SOX5: variants seen among roughly 807,000 people sequenced by gnomAD.
SOX5 encodes the protein SRY-box transcription factor 5.
In SOX5, 9 loss-of-function variants were observed where a neutral mutation model predicts 92.0. That is an observed-to-expected ratio of 0.10 (90% CI 0.06 to 0.17). SOX5 has a LOEUF of 0.17. SOX5 is among the 10% of genes least tolerant of loss of function. The pLI is 1.00. For synonymous variants in SOX5, 344 were observed against 336.3 expected (o/e 1.02, Z -0.25); for missense variants, 642 against 944.5 (o/e 0.68, Z 4.20).
intron 4 of SOX5, among the ~76,000 whole-genome samples, chr12:24,046,129 C>G (rs1170653685): frequency 6.6e-6 from 1 of 152,188 alleles, no homozygotes; most frequent in African/African-American, 2.4e-5. Flanking sequence ...TTACTTCACT[C>G]TAAATAACGT....
chr12:24,289,379 C>T (rs1335922626), intron 2 of SOX5, among the ~76,000 whole-genome samples: 2 of 151,980 alleles, frequency 1.3e-5, no homozygotes, highest in Admixed American at 1.3e-4. Flanking sequence ...TTCTGAATCT[C>T]TTGCGTTTCT....
At chr12:24,014,268 G>A (rs1953310008) in intron 4 of SOX5, among the ~76,000 whole-genome samples, 1 of 152,126 alleles carries the variant, frequency 6.6e-6, no homozygotes, top group Non-Finnish European at 1.5e-5. Context: ...TTAACCGTAT[G>A]TCATCACATA....
At chr12:24,127,679 T>C (rs1949242778) in intron 4 of SOX5, among the ~76,000 whole-genome samples, 1 of 152,146 alleles carries the variant, frequency 6.6e-6, no homozygotes, top group Admixed American at 6.5e-5. Flanking sequence ...ACCTTCTTAG[T>C]GTGCCTCCCC....
chr12:24,519,167 T>A (rs1302938972), intron 1 of SOX5, among the ~76,000 whole-genome samples: 2 of 152,144 alleles, frequency 1.3e-5, no homozygotes, highest in African/African-American at 4.8e-5. Flanking sequence ...TACGTGAATT[T>A]TTTTCTTTTT....
At chr12:24,024,311 G>A (rs924724388) in intron 4 of SOX5, among the ~76,000 whole-genome samples, 1 of 151,886 alleles carries the variant, frequency 6.6e-6, no homozygotes, top group Non-Finnish European at 1.5e-5. Context: ...TTGATTTCTT[G>A]TAAAGTGTAT....
chr12:23,822,305 G>A (rs984675305), intron 3 of SOX5, among the ~76,000 whole-genome samples: 6 of 152,180 alleles, frequency 3.9e-5, no homozygotes, highest in African/African-American at 1.4e-4. Context: ...CTGTGTCCCA[G>A]AGATTCTGGT....
At chr12:24,311,050 G>A (rs561328183) in intron 2 of SOX5, among the ~76,000 whole-genome samples, 46 of 152,244 alleles carry the variant, frequency 3.0e-4, no homozygotes, top group Middle Eastern at 6.8e-3. Context: ...CTCCTAGGAA[G>A]CATGGTCATA....
chr12:23,836,488 T>G (rs2096415927), intron 3 of SOX5, among the ~76,000 whole-genome samples: 1 of 152,022 alleles, frequency 6.6e-6, no homozygotes. Flanking sequence ...AAAAATAGGC[T>G]GGCTAAAATG....
chr12:23,613,435 T>C (rs2076199443), intron 8 of SOX5, among the ~76,000 whole-genome samples: 2 of 152,090 alleles, frequency 1.3e-5, no homozygotes. Flanking sequence ...CTCCTGTCAC[T>C]GTGAAAAATA....
At chr12:23,721,679 C>G (rs930892009) in intron 6 of SOX5, among the ~76,000 whole-genome samples, 3 of 152,028 alleles carry the variant, frequency 2.0e-5, no homozygotes, top group Non-Finnish European at 4.4e-5. Flanking sequence ...GTTTTTACAG[C>G]AATATAAACA....
At chr12:23,665,349 G>C in intron 7 of SOX5, 95 bp downstream of exon 7, 1 of 1,321,166 alleles carries the variant, frequency 7.6e-7, no homozygotes, top group South Asian at 1.2e-5. Flanking sequence ...TGCTATATGG[G>C]TGATCTCATT....
chr12:24,510,847 C>G (rs1161257760), intron 1 of SOX5, among the ~76,000 whole-genome samples: 2 of 152,170 alleles, frequency 1.3e-5, no homozygotes, highest in African/African-American at 2.4e-5. Context: ...GAGCTGGCCC[C>G]CAGGATATGA....
At chr12:24,491,350 C>G (rs147703710) in intron 1 of SOX5, among the ~76,000 whole-genome samples, 8 of 152,204 alleles carry the variant, frequency 5.3e-5, no homozygotes, top group African/African-American at 7.2e-5. Context: ...CCTAGAGCAG[C>G]CTTTGCCAGG....
chr12:24,015,188 G>C (rs777238495), intron 4 of SOX5, among the ~76,000 whole-genome samples: 1 of 151,574 alleles, frequency 6.6e-6, no homozygotes, highest in Non-Finnish European at 1.5e-5. Context: ...ATTGTTCCTC[G>C]CAGATGGAAG....
At chr12:23,858,928 G>C (rs2096723994) in intron 2 of SOX5, among the ~76,000 whole-genome samples, 1 of 152,108 alleles carries the variant, frequency 6.6e-6, no homozygotes, top group African/African-American at 2.4e-5. Context: ...AAATTATGAA[G>C]ATTTCATTGA....
At chr12:23,602,505 C>G (rs2074640661) in intron 9 of SOX5, among the ~76,000 whole-genome samples, 1 of 152,000 alleles carries the variant, frequency 6.6e-6, no homozygotes, top group Non-Finnish European at 1.5e-5. Flanking sequence ...TATAAGTAAT[C>G]TGGTGAGAAG....
At chr12:23,695,927 C>T (rs71448692) in intron 6 of SOX5, among the ~76,000 whole-genome samples, 11,545 of 101,136 alleles carry the variant, frequency 0.11, 687 homozygotes, top group Middle Eastern at 0.26. Flanking sequence ...GGTGACAGAG[C>T]GAGACTCTGT....
chr12:24,428,092 GAA>G (rs1966877127), intron 1 of SOX5, among the ~76,000 whole-genome samples: 1 of 151,358 alleles, frequency 6.6e-6, no homozygotes, highest in Non-Finnish European at 1.5e-5. Flanking sequence ...TTTTTAAGGT[GAA>G]AAAGCTGTGA....
chr12:24,118,033 AAAAAAG>A (rs1948228653), intron 4 of SOX5, among the ~76,000 whole-genome samples: 4 of 149,358 alleles, frequency 2.7e-5, no homozygotes, highest in Non-Finnish European at 5.9e-5. Flanking sequence ...AAAAAAAAAA[AAAAAAG>A]AAAAAAAAAA....
Sources: gnomAD v4.1 joint callset for allele counts (sites outside exome capture counted in the v4.1 genomes callset) on GRCh38, gnomAD v4.1.1 for gene constraint, MANE v1.5 for transcripts, NCBI Gene and HGNC (gene_info 2026-07-23, HGNC 2026-07-21) for gene names.